Variants in CNTNAP4 observed in about 807,000 individuals in gnomAD.
The protein encoded by CNTNAP4 is contactin-associated protein-like 4.
Under a neutral mutation model 148.4 loss-of-function variants are expected in CNTNAP4, and 98 were observed. The ratio of observed to expected loss-of-function variants is 0.66; its 90% CI spans 0.56 to 0.78. The LOEUF is 0.78. CNTNAP4 is among the 30% of genes least tolerant of loss of function. The probability of loss-of-function intolerance (pLI) is 0.00; values close to 1 mark genes in which losing one functional copy is unlikely to be tolerated. For missense variants in CNTNAP4, 1,935 were observed against 1,565.6 expected (o/e 1.24, Z -3.98); for synonymous variants, 730 against 565.1 (o/e 1.29, Z -4.14).
At chr16:76,313,659 A>G (rs74680215) in intron 1 of CNTNAP4, among the ~76,000 whole-genome samples, 2 of 152,066 alleles carry the variant, frequency 1.3e-5, no homozygotes, top group Non-Finnish European at 2.9e-5. Flanking sequence ...GAATAAGAAA[A>G]AGTAGACTTT....
chr16:76,463,185 G>T (rs1007947274), intron 9 of CNTNAP4, among the ~76,000 whole-genome samples: 1 of 152,158 alleles, frequency 6.6e-6, no homozygotes, highest in Admixed American at 6.5e-5. Context: ...GCAATCCATA[G>T]TAACACATTC....
intron 3 of CNTNAP4, among the ~76,000 whole-genome samples, chr16:76,420,724 C>T (rs2079161552): frequency 1.3e-5 from 2 of 152,160 alleles, no homozygotes; most frequent in African/African-American, 2.4e-5. Context: ...ATTGTTTCTC[C>T]TCTTCAGAAA....
intron 1 of CNTNAP4, among the ~76,000 whole-genome samples, chr16:76,293,694 A>C (rs551651965): frequency 6.6e-6 from 1 of 152,300 alleles, no homozygotes; most frequent in East Asian, 1.9e-4. Flanking sequence ...CTTGGAACTT[A>C]CTGGACATTG....
At chr16:76,378,544 A>G (rs974883794) in intron 3 of CNTNAP4, among the ~76,000 whole-genome samples, 3 of 152,214 alleles carry the variant, frequency 2.0e-5, no homozygotes, top group Non-Finnish European at 4.4e-5. Flanking sequence ...ATCACAGGTC[A>G]TGACATGGAA....
chr16:76,328,802 C>T (rs1395187921), intron 2 of CNTNAP4, among the ~76,000 whole-genome samples: 1 of 152,060 alleles, frequency 6.6e-6, no homozygotes, highest in Admixed American at 6.6e-5. Context: ...CCTGCCACCG[C>T]ACCTGGCTAA....
chr16:76,290,825 A>G (rs550600254), intron 1 of CNTNAP4, among the ~76,000 whole-genome samples: 1 of 152,308 alleles, frequency 6.6e-6, no homozygotes, highest in Non-Finnish European at 1.5e-5. Flanking sequence ...AACAATGTAC[A>G]TTAATTTTGT....
At chr16:76,402,186 G>A (rs1214951883) in intron 3 of CNTNAP4, among the ~76,000 whole-genome samples, 2 of 152,076 alleles carry the variant, frequency 1.3e-5, no homozygotes, top group East Asian at 3.9e-4. Flanking sequence ...TTGGTCGGTA[G>A]GCTGTTTATT....
intron 1 of CNTNAP4, among the ~76,000 whole-genome samples, chr16:76,313,479 C>G (rs1204742646): frequency 6.6e-6 from 1 of 152,096 alleles, no homozygotes; most frequent in Non-Finnish European, 1.5e-5. Context: ...TTGTTGTTGC[C>G]TGTAATTGGC....
intron 21 of CNTNAP4, among the ~76,000 whole-genome samples, chr16:76,551,290 C>T (rs1041559702): frequency 6.6e-6 from 1 of 151,654 alleles, no homozygotes; most frequent in Non-Finnish European, 1.5e-5. Flanking sequence ...CCCAGCTACT[C>T]GGGAGGCTGA....
intron 3 of CNTNAP4, among the ~76,000 whole-genome samples, chr16:76,409,115 A>G (rs2078703789): frequency 6.6e-6 from 1 of 152,062 alleles, no homozygotes; most frequent in African/African-American, 2.4e-5. Context: ...TAGGCTTTAC[A>G]CTACATGTGG....
At chr16:76,404,368 A>G (rs1299032609) in intron 3 of CNTNAP4, among the ~76,000 whole-genome samples, 2 of 151,978 alleles carry the variant, frequency 1.3e-5, no homozygotes, top group Admixed American at 1.3e-4. Flanking sequence ...AGATAAATAT[A>G]AATAATAAAT....
chr16:76,478,698 T>G (rs776185383), intron 11 of CNTNAP4, among the ~76,000 whole-genome samples: 1 of 152,140 alleles, frequency 6.6e-6, no homozygotes, highest in Admixed American at 6.5e-5. Context: ...AATTTAGGAT[T>G]ACATAATTAA....
Position 76,540,703 on chromosome 16 carries a change from A to G in CNTNAP4, c.3355A>G (p.Ile1119Val), listed in dbSNP as rs752888647. ...TTTATCTTGTGTAATAATTTTGTAG[A>G]TTGACGATAATAGAAGGAGACAAGT... ...NREEGVVFIE[I>V]DDNRRRQVHL... The change falls in exon 21 of 24, where the codon ATT becomes GTT. Residue 1119 changes from isoleucine (I) to valine (V), a missense_variant and splice_region_variant. Physicochemically the swap from Ile to Val is conservative, Grantham distance 29. Transcript: ENST00000611870. 1.9e-6 allele frequency: 3 copies of G among 1,558,116 alleles called. No individual in the cohort carries two copies.
chr16:76,333,450 A>C (rs1963720211), intron 2 of CNTNAP4, among the ~76,000 whole-genome samples: 1 of 152,146 alleles, frequency 6.6e-6, no homozygotes, highest in Admixed American at 6.5e-5. Context: ...AATAATTTAT[A>C]TCTCTTTATT....
rs541484252 is a variant in CNTNAP4 at position 76,529,424 on chromosome 16, C to T, written c.2756-6121C>T. On this transcript the variant is annotated intron_variant, in intron 17 of 23. Transcript: ENST00000611870. ...ACTGCTGTTATCGTAGACTCACAAA[C>T]ATTGTCCAGCCACAGAAATGATGGA... Among the ~76,000 whole-genome samples, 16 of 152,334 alleles carry T rather than the reference C, an allele frequency of 1.1e-4. No homozygotes were observed. The South Asian group carries it at 3.3e-3, about 32-fold the overall frequency.
At chr16:76,423,535 C>A (rs1013224922) in intron 3 of CNTNAP4, among the ~76,000 whole-genome samples, 30 of 152,156 alleles carry the variant, frequency 2.0e-4, no homozygotes, top group African/African-American at 7.2e-4. Flanking sequence ...TAAATCCATG[C>A]ATTCCTTTGT....
chr16:76,316,886 C>A (rs1404186452), intron 2 of CNTNAP4, among the ~76,000 whole-genome samples: 1 of 152,124 alleles, frequency 6.6e-6, no homozygotes, highest in African/African-American at 2.4e-5. Context: ...AAATAACAAT[C>A]CCTCAGTGTT....
intron 1 of CNTNAP4, among the ~76,000 whole-genome samples, chr16:76,312,515 T>C (rs144290326): frequency 3.2e-4 from 48 of 152,296 alleles, no homozygotes; most frequent in African/African-American, 1.0e-3. Context: ...TCCACACTGA[T>C]TATTACTGTT....
chr16:76,304,552 G>A (rs899778499), intron 1 of CNTNAP4, among the ~76,000 whole-genome samples: 1 of 152,186 alleles, frequency 6.6e-6, no homozygotes, highest in Non-Finnish European at 1.5e-5. Context: ...TTTGTGCATT[G>A]AAGGGAGGAT....
Sources: gnomAD v4.1 joint callset for allele counts (sites outside exome capture counted in the v4.1 genomes callset) on GRCh38, gnomAD v4.1.1 for gene constraint, MANE v1.5 for transcripts, NCBI Gene and HGNC (gene_info 2026-07-23, HGNC 2026-07-21) for gene names.